The following UGGT2 variants were observed in gnomAD, a reference collection of about 807,000 sequenced individuals.
The protein encoded by UGGT2 is UDP-glucose glycoprotein glucosyltransferase 2.
Under a neutral mutation model 192.1 loss-of-function variants are expected in UGGT2, and 180 were observed. That is an observed-to-expected ratio of 0.94 (90% CI 0.83 to 1.06). The LOEUF is 1.06. Among genes scored for constraint, UGGT2 ranks in the 50% least tolerant of loss-of-function variants. The pLI is 0.00. For missense variants in UGGT2, 1,849 were observed against 1,795.7 expected, an observed-to-expected ratio of 1.03 and a Z score of -0.54; for synonymous variants, 580 against 591.0, an observed-to-expected ratio of 0.98 and a Z score of 0.27.
intron 38 of UGGT2, among the ~76,000 whole-genome samples, chr13:95,814,492 G>C (rs1168090453): frequency 6.6e-6 from 1 of 152,168 alleles, no homozygotes; most frequent in Non-Finnish European, 1.5e-5. Flanking sequence ...TTTCCTTTTG[G>C]AAGAGGAATG....
Position 95,927,220 on chromosome 13 carries a change from A to G in UGGT2, c.2094T>C (p.Ser698=). The G allele has an allele frequency of 1.2e-6, 2 of 1,611,534 alleles. No homozygotes were observed. Among genetic ancestry groups the G allele is most frequent in the Non-Finnish European group, 1.7e-6 (2 of 1,178,150 alleles). Residue 698 remains serine (S), a synonymous_variant, in exon 18 of 39, where the codon TCT becomes TCC. Transcript: ENST00000376747. The stretch of plus-strand genomic sequence containing the variant: ...AGTATAGGATTATTTTACCTGATGT[A>G]GATATTAAATTGAGGTACTGCTGGT... ...RTNQQYLNLI[S]TSVTADVEDF...
At chr13:95,814,912 A>C (rs576494225) in intron 38 of UGGT2, among the ~76,000 whole-genome samples, 16 of 152,238 alleles carry the variant, frequency 1.1e-4, no homozygotes, top group Non-Finnish European at 2.4e-4. Flanking sequence ...CAGAAATACA[A>C]GGTTGATTAA....
intron 24 of UGGT2, among the ~76,000 whole-genome samples, chr13:95,891,871 C>T (rs529213700): frequency 6.6e-5 from 10 of 152,224 alleles, no homozygotes; most frequent in Middle Eastern, 3.4e-3. Context: ...AATATAAACA[C>T]TTACTTCAAA....
intron 31 of UGGT2, among the ~76,000 whole-genome samples, chr13:95,861,820 C>A (rs1013899888): frequency 6.6e-6 from 1 of 152,000 alleles, no homozygotes; most frequent in African/African-American, 2.4e-5. Flanking sequence ...AAAAAATAAT[C>A]ATTCTAAGTT....
chr13:95,927,466 C>CTT (rs1566709199), intron 17 of UGGT2, 130 bp from the exon 18 acceptor site: 16 of 590,682 alleles, frequency 2.7e-5, no homozygotes, highest in Admixed American at 8.0e-5. Context: ...AATACATTTT[C>CTT]TTTCTTTTTT....
intron 38 of UGGT2, among the ~76,000 whole-genome samples, chr13:95,807,719 T>C (rs1884383590): frequency 7.1e-6 from 1 of 140,998 alleles, no homozygotes. Flanking sequence ...CCCTCACCTT[T>C]TTTTTTTTTT....
chr13:95,984,458 A>G (rs2140873895), intron 9 of UGGT2, among the ~76,000 whole-genome samples: 1 of 152,186 alleles, frequency 6.6e-6, no homozygotes, highest in South Asian at 2.1e-4. Flanking sequence ...CCTCTCAATT[A>G]GATAGGACTA....
chr13:95,807,604 T>G (rs550999933), intron 38 of UGGT2, among the ~76,000 whole-genome samples: 7 of 152,194 alleles, frequency 4.6e-5, no homozygotes, highest in African/African-American at 1.4e-4. Context: ...CTGGCACTGG[T>G]TCAGAAGCAC....
At chr13:96,015,907 A>G (rs1382206453) in intron 4 of UGGT2, among the ~76,000 whole-genome samples, 1 of 152,184 alleles carries the variant, frequency 6.6e-6, no homozygotes, top group Non-Finnish European at 1.5e-5. Context: ...GGTATCACTC[A>G]CTCAATATTT....
intron 20 of UGGT2, among the ~76,000 whole-genome samples, chr13:95,914,573 G>A (rs1022872308): frequency 7.4e-6 from 1 of 134,354 alleles, no homozygotes. Flanking sequence ...TGAGGAGTTC[G>A]AGACCACTCT....
In UGGT2 at chr13:95,952,681, G is replaced by A. The variant is rs192120294; in HGVS notation, c.1336-3227C>T. Among the ~76,000 whole-genome samples, 8 of 152,122 alleles carry A rather than the reference G, an allele frequency of 5.3e-5. No homozygotes were observed. The East Asian group carries it at 7.7e-4, about 15-fold the overall frequency. On this transcript the variant is annotated intron_variant, in intron 12 of 38. Transcript: ENST00000376747. ...TATTGAAACCTATTTACCAAGTCACGAGGAAAAAGTGAGTTTGTGGGTTTT... is the reference window on the plus strand; with the variant it reads ...TATTGAAACCTATTTACCAAGTCACAAGGAAAAAGTGAGTTTGTGGGTTTT...
intron 12 of UGGT2, among the ~76,000 whole-genome samples, chr13:95,950,035 C>T (rs1364739179): frequency 6.6e-6 from 1 of 152,070 alleles, no homozygotes; most frequent in Non-Finnish European, 1.5e-5. Context: ...TTCACCTAAA[C>T]TTCATCCCTG....
At chr13:95,822,132 A>C (rs1885572518) in intron 38 of UGGT2, among the ~76,000 whole-genome samples, 1 of 152,086 alleles carries the variant, frequency 6.6e-6, no homozygotes, top group Non-Finnish European at 1.5e-5. Flanking sequence ...AATTGCATTG[A>C]ATCTGTAGGT....
At chr13:95,999,150 CTAAAG>C in intron 6 of UGGT2, 56 bp downstream of exon 6, 1 of 1,410,588 alleles carries the variant, frequency 7.1e-7, no homozygotes, top group Non-Finnish European at 1.0e-6. Context: ...TTTTAAAAAA[CTAAAG>C]TATGTAAAAG....
intron 1 of UGGT2, among the ~76,000 whole-genome samples, chr13:96,050,876 T>C (rs991156980): frequency 2.0e-5 from 3 of 152,232 alleles, no homozygotes; most frequent in Non-Finnish European, 1.5e-5. Flanking sequence ...ACTTTTACAC[T>C]GTTGGTGGGA....
intron 5 of UGGT2, among the ~76,000 whole-genome samples, chr13:96,010,246 T>A (rs2052117854): frequency 6.6e-6 from 1 of 152,138 alleles, no homozygotes; most frequent in African/African-American, 2.4e-5. Flanking sequence ...TGAATGCCCA[T>A]CAATAGTAAA....
chr13:95,919,531 AAATC>A (rs1195274907), intron 20 of UGGT2, among the ~76,000 whole-genome samples: 1 of 152,212 alleles, frequency 6.6e-6, no homozygotes, highest in Non-Finnish European at 1.5e-5. Context: ...TCAGGATACA[AAATC>A]AATGTGCAAA....
At chr13:95,830,349 C>G (rs1201905120) in intron 38 of UGGT2, among the ~76,000 whole-genome samples, 1 of 152,140 alleles carries the variant, frequency 6.6e-6, no homozygotes, top group Non-Finnish European at 1.5e-5. Context: ...AGGCAACCTA[C>G]AGAATGGGAG....
chr13:95,849,409 G>A (rs1161935721), intron 36 of UGGT2, among the ~76,000 whole-genome samples: 1 of 151,928 alleles, frequency 6.6e-6, no homozygotes, highest in Non-Finnish European at 1.5e-5. Context: ...TGGGCGTGGT[G>A]GCAAGCGCCT....
Sources: gnomAD v4.1 joint callset for allele counts (sites outside exome capture counted in the v4.1 genomes callset) on GRCh38, gnomAD v4.1.1 for gene constraint, MANE v1.5 for transcripts, NCBI Gene and HGNC (gene_info 2026-07-23, HGNC 2026-07-21) for gene names.